PRKN: variants seen among roughly 807,000 people sequenced by gnomAD.
PRKN encodes parkin RBR E3 ubiquitin protein ligase, also known as E3 ubiquitin-protein ligase parkin.
In PRKN, 56 loss-of-function variants were observed where a neutral mutation model predicts 59.5. That is an observed-to-expected ratio of 0.94 (90% CI 0.76 to 1.18). The LOEUF is 1.18. Ranked by LOEUF, PRKN falls within the 50% of genes most tolerant of loss-of-function variation. The pLI is 0.00. For missense variants in PRKN, 657 were observed against 596.4 expected (o/e 1.10, Z -1.06); for synonymous variants, 250 against 222.1 (o/e 1.13, Z -1.12).
chr6:161,494,914 G>A (rs1777687742), intron 9 of PRKN, among the ~76,000 whole-genome samples: 1 of 152,118 alleles, frequency 6.6e-6, no homozygotes, highest in African/African-American at 2.4e-5. Context: ...GCTCCGCCTT[G>A]AACTCTGTTG....
chr6:161,434,863 A>G (rs1373250492), intron 9 of PRKN, among the ~76,000 whole-genome samples: 2 of 152,182 alleles, frequency 1.3e-5, no homozygotes, highest in African/African-American at 4.8e-5. Flanking sequence ...TAAAACAAAA[A>G]AAGACCACAA....
At chr6:162,252,990 G>C (rs368600608) in intron 3 of PRKN, among the ~76,000 whole-genome samples, 1 of 152,234 alleles carries the variant, frequency 6.6e-6, no homozygotes, top group Non-Finnish European at 1.5e-5. Flanking sequence ...CAGAGTGAGA[G>C]GAAATGCCCC....
At chr6:162,221,545 T>C (rs545946645) in intron 3 of PRKN, among the ~76,000 whole-genome samples, 257 of 152,306 alleles carry the variant, frequency 1.7e-3, no homozygotes, top group African/African-American at 5.9e-3. Flanking sequence ...AACATTCCCA[T>C]TGATGCCACA....
chr6:162,697,883 A>G (rs1778024010), intron 1 of PRKN, among the ~76,000 whole-genome samples: 1 of 152,208 alleles, frequency 6.6e-6, no homozygotes, highest in Non-Finnish European at 1.5e-5. Context: ...AACATATTCA[A>G]TTGGATAAGC....
chr6:162,653,117 AG>A (rs1778508067), intron 1 of PRKN, among the ~76,000 whole-genome samples: 1 of 152,230 alleles, frequency 6.6e-6, no homozygotes, highest in Non-Finnish European at 1.5e-5. Context: ...CTTGCTCTAG[AG>A]AATTCTAACT....
intron 9 of PRKN, among the ~76,000 whole-genome samples, chr6:161,535,439 G>A (rs992499855): frequency 1.3e-4 from 20 of 152,202 alleles, no homozygotes; most frequent in African/African-American, 4.6e-4. Context: ...CTGCACACAA[G>A]TGAATGGTAT....
chr6:161,953,229 G>A (rs1275437371), intron 6 of PRKN, among the ~76,000 whole-genome samples: 7 of 152,016 alleles, frequency 4.6e-5, no homozygotes, highest in Non-Finnish European at 8.8e-5. Flanking sequence ...TTCCTGCCTC[G>A]GCCTGCCAAG....
At chr6:161,780,339 A>G (rs750462206) in intron 7 of PRKN, among the ~76,000 whole-genome samples, 1 of 152,172 alleles carries the variant, frequency 6.6e-6, no homozygotes, top group Non-Finnish European at 1.5e-5. Context: ...AAAAATATGA[A>G]AAGAATTGAC....
intron 9 of PRKN, among the ~76,000 whole-genome samples, chr6:161,501,208 C>T (rs1333993460): frequency 6.6e-6 from 1 of 152,146 alleles, no homozygotes; most frequent in Non-Finnish European, 1.5e-5. Context: ...GACTGTCTTC[C>T]AAAGAGACTG....
At position 161,414,064 on chromosome 6, in the gene PRKN, G is replaced by T. The variant is rs1311715157; in HGVS notation, c.1084-27187C>A. Among the ~76,000 whole-genome samples, 3 of 152,138 alleles carry T rather than the reference G, an allele frequency of 2.0e-5. No homozygotes were observed. Among genetic ancestry groups the T allele is most frequent in the Non-Finnish European group, 2.9e-5 (2 of 68,038 alleles). On this transcript the variant is annotated intron_variant, in intron 9 of 11. Transcript: ENST00000366898. The surrounding 1 kb of genome is among the most constrained non-coding windows in gnomAD (Gnocchi z 5.3). ...CAGCACTGTGTCCTGGGCCGAGGTG[G>T]GGAGGGTCAGTGAGGGCAGGGTACT...
intron 10 of PRKN, among the ~76,000 whole-genome samples, chr6:161,374,090 A>T (rs1785551057): frequency 1.3e-5 from 2 of 152,236 alleles, no homozygotes; most frequent in Non-Finnish European, 1.5e-5. Context: ...TTCCCTCCTG[A>T]TACTGAGTGG....
intron 9 of PRKN, among the ~76,000 whole-genome samples, chr6:161,404,618 T>C (rs180857614): frequency 6.6e-6 from 1 of 152,366 alleles, no homozygotes; most frequent in East Asian, 1.9e-4. Context: ...TCAGGGTGTC[T>C]CTAAGTTTAC....
intron 6 of PRKN, among the ~76,000 whole-genome samples, chr6:161,872,472 A>G (rs1180423688): frequency 6.6e-6 from 1 of 152,150 alleles, no homozygotes; most frequent in Non-Finnish European, 1.5e-5. Flanking sequence ...GTCTTAATTA[A>G]TGCCCTCATA....
intron 5 of PRKN, among the ~76,000 whole-genome samples, chr6:161,979,066 C>T (rs565924131): frequency 6.6e-6 from 1 of 152,220 alleles, no homozygotes; most frequent in East Asian, 1.9e-4. Context: ...TTCCCAGGGG[C>T]TTACTCACAT....
At chr6:162,317,974 C>T (rs144186169) in intron 2 of PRKN, among the ~76,000 whole-genome samples, 1 of 152,046 alleles carries the variant, frequency 6.6e-6, no homozygotes, top group Non-Finnish European at 1.5e-5. Flanking sequence ...CTACATTAAG[C>T]ATATTCACAT....
chr6:162,546,605 G>T (rs908948554), intron 1 of PRKN, among the ~76,000 whole-genome samples: 5 of 151,192 alleles, frequency 3.3e-5, no homozygotes, highest in African/African-American at 1.2e-4. Flanking sequence ...CACCACGCCC[G>T]GCTAATTTTT....
intron 4 of PRKN, among the ~76,000 whole-genome samples, chr6:162,175,224 A>G (rs1452458751): frequency 2.0e-5 from 3 of 152,196 alleles, no homozygotes; most frequent in African/African-American, 4.8e-5. Context: ...GAGGTCATAG[A>G]GCAGGAAGAC....
intron 9 of PRKN, among the ~76,000 whole-genome samples, chr6:161,426,758 A>G (rs538703304): frequency 4.6e-5 from 7 of 151,812 alleles, no homozygotes; most frequent in East Asian, 3.9e-4. Flanking sequence ...TCGCTCTGTC[A>G]CCCAGGCTGG....
chr6:161,913,639 T>G (rs1381297654), intron 6 of PRKN, among the ~76,000 whole-genome samples: 1 of 152,244 alleles, frequency 6.6e-6, no homozygotes, highest in Non-Finnish European at 1.5e-5. Context: ...TGTCTATTTA[T>G]TCATTGACCC....
Sources: gnomAD v4.1 joint callset for allele counts (sites outside exome capture counted in the v4.1 genomes callset) on GRCh38, gnomAD v4.1.1 for gene constraint, Gnocchi (gnomAD v3.1) non-coding constraint, MANE v1.5 for transcripts, NCBI Gene and HGNC (gene_info 2026-07-23, HGNC 2026-07-21) for gene names.